The following SH3BP4 variants were observed in gnomAD, a reference collection of about 807,000 sequenced individuals.
SH3BP4 encodes SH3 domain-binding protein 4.
Under a neutral mutation model 65.5 loss-of-function variants are expected in SH3BP4, and 33 were observed. The ratio of observed to expected loss-of-function variants is 0.50; its 90% CI spans 0.38 to 0.67. The LOEUF is 0.67. Ranked by LOEUF, SH3BP4 falls within the 30% of genes least tolerant of loss-of-function variation. SH3BP4 has a pLI of 0.00. For missense variants in SH3BP4, 1,134 were observed against 1,261.4 expected (o/e 0.90, Z 1.53); for synonymous variants, 552 against 545.5 (o/e 1.01, Z -0.17).
intron 1 of SH3BP4, among the ~76,000 whole-genome samples, chr2:234,982,462 C>T (rs1693417897): frequency 6.6e-6 from 1 of 152,148 alleles, no homozygotes; most frequent in Non-Finnish European, 1.5e-5. Flanking sequence ...TCTCAAAGCC[C>T]AGCAGCTGGA....
Position 235,045,508 on chromosome 2 carries a change from G to A in SH3BP4, c.2478+2261G>A, listed in dbSNP as rs1051178278. On this transcript the variant is annotated intron_variant, in intron 4 of 5. Coordinates refer to ENST00000392011, the MANE Select transcript of SH3BP4 (RefSeq NM_014521.3). This position sits in a 1 kb window ranked among gnomAD's most constrained non-coding sequence, Gnocchi z 4.3. The stretch of plus-strand genomic sequence containing the variant: ...GTGTCCTCTGTGCCCGAGTCCTTCC[G>A]CTACCCAGAAAGGAGGAAGTGAAAC... Among the ~76,000 whole-genome samples, 20 of 152,162 alleles carry A rather than the reference G, an allele frequency of 1.3e-4. No individual in the cohort carries two copies. Among genetic ancestry groups the A allele is most frequent in the African/African-American group, 4.6e-4 (19 of 41,500 alleles).
Position 235,035,350 on chromosome 2 carries a change from C to A in SH3BP4, c.118+230C>A, listed in dbSNP as rs1695345752. ...CCCCTTCTTAATACAGGGTATGTTT[C>A]TTTTTACTTGATAAAATTCGGTGAC... On this transcript the variant is annotated intron_variant, in intron 3 of 5. Transcript: ENST00000392011. This position sits in a 1 kb window ranked among gnomAD's most constrained non-coding sequence, Gnocchi z 5.0. Among the ~76,000 whole-genome samples, 1 of 152,086 alleles carries A rather than the reference C, an allele frequency of 6.6e-6. No individual in the cohort carries two copies. The highest frequency in any genetic ancestry group is 1.5e-5 in the Non-Finnish European group (1 of 68,012).
intron 1 of SH3BP4, among the ~76,000 whole-genome samples, chr2:234,983,902 G>A (rs578084104): frequency 6.6e-6 from 1 of 152,352 alleles, no homozygotes; most frequent in South Asian, 2.1e-4. Flanking sequence ...AGTGGGCCTG[G>A]TTTCAGATTT....
Position 235,041,699 on chromosome 2 carries a change from C to T in SH3BP4, c.930C>T (p.Gly310=), listed in dbSNP as rs534074692. ...TGCTTGGCCAAAGCCCTGGTTGGGGCCAGACCCAAGCCGTGGAGACAAACA... is the reference window on the plus strand; with the variant it reads ...TGCTTGGCCAAAGCCCTGGTTGGGGTCAGACCCAAGCCGTGGAGACAAACA... ...LDLLGQSPGW[G]QTQAVETNIV... Residue 310 remains glycine (G), a synonymous_variant, in exon 4 of 6, where the codon GGC becomes GGT. Coordinates refer to ENST00000392011, the MANE Select transcript of SH3BP4 (RefSeq NM_014521.3). The surrounding 1 kb of genome is among the most constrained non-coding windows in gnomAD (Gnocchi z 6.0). The T allele has an allele frequency of 1.2e-6, 2 of 1,612,670 alleles. No homozygotes were observed. Among genetic ancestry groups the T allele is most frequent in the Admixed American group, 1.7e-5 (1 of 60,002 alleles).
At chr2:235,002,739 G>A (rs1444680481) in intron 2 of SH3BP4, among the ~76,000 whole-genome samples, 1 of 152,142 alleles carries the variant, frequency 6.6e-6, no homozygotes, top group East Asian at 1.9e-4. Flanking sequence ...AACAAAACAA[G>A]TAAAACAAAA....
intron 1 of SH3BP4, among the ~76,000 whole-genome samples, chr2:234,955,550 T>C (rs1692567465): frequency 6.6e-6 from 1 of 151,898 alleles, no homozygotes; most frequent in African/African-American, 2.4e-5. Context: ...CAATAATCAG[T>C]CTTCAGAGGG....
At chr2:234,987,567 C>A (rs748113949) in intron 1 of SH3BP4, among the ~76,000 whole-genome samples, 4 of 152,200 alleles carry the variant, frequency 2.6e-5, no homozygotes, top group African/African-American at 4.8e-5. Context: ...CCGCCTCCCC[C>A]CAACATGGGC....
chr2:234,996,155 T>C (rs989322581), intron 2 of SH3BP4, among the ~76,000 whole-genome samples: 4 of 152,180 alleles, frequency 2.6e-5, no homozygotes, highest in African/African-American at 9.7e-5. Context: ...CCCCACCAAG[T>C]AGAAAGGATT....
chr2:234,961,168 C>T (rs761767420), intron 1 of SH3BP4, among the ~76,000 whole-genome samples: 2 of 152,192 alleles, frequency 1.3e-5, no homozygotes, highest in Non-Finnish European at 2.9e-5. Context: ...TGATGACCAT[C>T]GTACTTCGCT....
In SH3BP4 at chr2:235,041,571, G is replaced by A. The variant is rs775983019; in HGVS notation, c.802G>A (p.Gly268Ser). 5.6e-6 allele frequency: 9 copies of A among 1,613,932 alleles called. No homozygotes were observed. The highest frequency in any genetic ancestry group is 2.2e-5 in the East Asian group (1 of 44,882). ...TCCCACATCGTCGAGTTTCTTCACC[G>A]GCTTGAAATCACCTGCCCCCGAGCA... ...DAPTSSSFFT[G>S]LKSPAPEQFQ... Residue 268 changes from glycine (G) to serine (S), a missense_variant, in exon 4 of 6, where the codon GGC becomes AGC. Transcript: ENST00000392011. The surrounding 1 kb of genome is among the most constrained non-coding windows in gnomAD (Gnocchi z 6.0).
chr2:235,012,338 A>T (rs1694536181), intron 2 of SH3BP4, among the ~76,000 whole-genome samples: 2 of 152,346 alleles, frequency 1.3e-5, no homozygotes, highest in African/African-American at 4.8e-5. Flanking sequence ...ATTGCTGACC[A>T]GGCTCCACTT....
chr2:234,995,558 TC>T (rs1217040035), intron 2 of SH3BP4, 182 bp downstream of exon 2: 2 of 152,314 alleles, frequency 1.3e-5, no homozygotes, highest in Admixed American at 6.5e-5. Context: ...TGCAGGCCTG[TC>T]CCTCATGGCG....
chr2:234,962,591 G>T (rs1304855399), intron 1 of SH3BP4, among the ~76,000 whole-genome samples: 1 of 152,134 alleles, frequency 6.6e-6, no homozygotes, highest in Non-Finnish European at 1.5e-5. Context: ...TACCACCCAT[G>T]ATGACCACTC....
intron 2 of SH3BP4, among the ~76,000 whole-genome samples, chr2:235,022,951 C>A (rs936752135): frequency 4.6e-5 from 7 of 152,136 alleles, no homozygotes; most frequent in African/African-American, 1.2e-4. Context: ...TTGACCTTGT[C>A]CCTCCTCACA....
At chr2:235,048,791 T>A (rs1264475868) in intron 4 of SH3BP4, among the ~76,000 whole-genome samples, 14 of 152,344 alleles carry the variant, frequency 9.2e-5, no homozygotes, top group Non-Finnish European at 1.5e-5. Flanking sequence ...AAAAGTACTA[T>A]CTGTCCCTTT....
chr2:234,970,076 GTCAC>G (rs72490530), intron 1 of SH3BP4, among the ~76,000 whole-genome samples: 8,007 of 104,712 alleles, frequency 0.076, 607 homozygotes, highest in African/African-American at 0.2. Context: ...CACTCACACT[GTCAC>G]TCACACACAC....
At chr2:235,019,873 TAAAAAA>T (rs199714068) in intron 2 of SH3BP4, among the ~76,000 whole-genome samples, 1 of 112,602 alleles carries the variant, frequency 8.9e-6, no homozygotes, top group Non-Finnish European at 1.8e-5. Flanking sequence ...TAAAGATTCT[TAAAAAA>T]AAAAAAAAAA....
At position 235,043,169 on chromosome 2, in the gene SH3BP4, C is replaced by A. The variant is rs757029542; in HGVS notation, c.2400C>A (p.Ser800=). ...ATAGTGAGCCCGAGCGGGTGGCGTC[C>A]GTCCTAGAAAAGCTGAAGGAGGACT... The part of the protein sequence containing the change: ...ELDSEPERVA[S]VLEKLKEDCN... The change falls in exon 4 of 6, where the codon TCC becomes TCA. Residue 800 remains serine, a synonymous_variant. Transcript: ENST00000392011. 6.2e-7 allele frequency: 1 copy of A among 1,611,668 alleles called. No individual in the cohort carries two copies. Among genetic ancestry groups the A allele is most frequent in the Non-Finnish European group, 8.5e-7 (1 of 1,178,792 alleles).
intron 1 of SH3BP4, among the ~76,000 whole-genome samples, chr2:234,983,880 T>C (rs1693465957): frequency 6.6e-6 from 1 of 152,250 alleles, no homozygotes; most frequent in African/African-American, 2.4e-5. Flanking sequence ...GCACTGGCCC[T>C]GTCGTCAGCC....
Sources: gnomAD v4.1 joint callset for allele counts (sites outside exome capture counted in the v4.1 genomes callset) on GRCh38, gnomAD v4.1.1 for gene constraint, Gnocchi (gnomAD v3.1) non-coding constraint, MANE v1.5 for transcripts, NCBI Gene and HGNC (gene_info 2026-07-23, HGNC 2026-07-21) for gene names.